PARD6G: variants seen among roughly 807,000 people sequenced by gnomAD.
PARD6G encodes the protein partitioning defective 6 homolog gamma.
PARD6G carries 7 observed loss-of-function variants against 10.7 expected under a neutral mutation model. The observed-to-expected ratio is 0.66, with a 90% CI of 0.37 to 1.23. The LOEUF is 1.23. PARD6G is among the 50% of genes most tolerant of loss of function. PARD6G has a pLI of 0.02. For missense variants in PARD6G, 548 were observed against 571.8 expected (o/e 0.96, Z 0.42); for synonymous variants, 287 against 269.4 (o/e 1.07, Z -0.64).
intron 1 of PARD6G, among the ~76,000 whole-genome samples, chr18:80,218,522 C>T (rs890088583): frequency 6.6e-6 from 1 of 152,150 alleles, no homozygotes; most frequent in Non-Finnish European, 1.5e-5. Context: ...CAGCTCTGCC[C>T]CTGTGGCTTT....
At chr18:80,244,527 C>T (rs1304290471) in intron 1 of PARD6G, among the ~76,000 whole-genome samples, 1 of 152,144 alleles carries the variant, frequency 6.6e-6, no homozygotes, top group African/African-American at 2.4e-5. Flanking sequence ...AGTTTTCCAA[C>T]CCAATATCTT....
At chr18:80,185,329 G>T (rs542574157) in intron 2 of PARD6G, among the ~76,000 whole-genome samples, 1 of 151,554 alleles carries the variant, frequency 6.6e-6, no homozygotes, top group South Asian at 2.1e-4. Context: ...TTTAAGAGGC[G>T]AAGTCTTGCT....
intron 2 of PARD6G, chr18:80,197,436 C>A (rs1404064571): frequency 1.3e-5 from 2 of 152,304 alleles, no homozygotes; most frequent in East Asian, 3.9e-4. Context: ...CAACTGTGTT[C>A]TCCTCATTCT....
intron 2 of PARD6G, among the ~76,000 whole-genome samples, chr18:80,185,592 C>G (rs1166335783): frequency 6.6e-6 from 1 of 151,978 alleles, no homozygotes; most frequent in Non-Finnish European, 1.5e-5. Flanking sequence ...CCCTGGAACA[C>G]AAGGGACACG....
intron 1 of PARD6G, among the ~76,000 whole-genome samples, chr18:80,222,308 C>T (rs1047022602): frequency 1.2e-4 from 18 of 151,796 alleles, no homozygotes; most frequent in African/African-American, 3.6e-4. Context: ...AGGCTGGTCT[C>T]GAACTCCTAG....
chr18:80,215,305 A>C (rs1037480945), intron 1 of PARD6G, among the ~76,000 whole-genome samples: 2 of 152,228 alleles, frequency 1.3e-5, no homozygotes, highest in Non-Finnish European at 2.9e-5. Flanking sequence ...TTGAATCTAC[A>C]AGAAGAAATA....
At chr18:80,217,749 G>A (rs191405946) in intron 1 of PARD6G, among the ~76,000 whole-genome samples, 8 of 152,304 alleles carry the variant, frequency 5.3e-5, no homozygotes, top group African/African-American at 1.9e-4. Flanking sequence ...AGATGTATTA[G>A]TCCGTTCTCA....
intron 2 of PARD6G, among the ~76,000 whole-genome samples, chr18:80,166,196 T>A (rs2052734859): frequency 6.6e-6 from 1 of 151,554 alleles, no homozygotes; most frequent in African/African-American, 2.4e-5. Flanking sequence ...ATGAAGGCAG[T>A]CATGTCAGCG....
intron 1 of PARD6G, among the ~76,000 whole-genome samples, chr18:80,204,138 C>T (rs760578474): frequency 1.6e-4 from 25 of 152,130 alleles, no homozygotes; most frequent in Non-Finnish European, 3.1e-4. Flanking sequence ...ATTCCTCACT[C>T]GGCAATTCGG....
At chr18:80,238,091 C>T (rs536262500) in intron 1 of PARD6G, among the ~76,000 whole-genome samples, 3 of 152,308 alleles carry the variant, frequency 2.0e-5, no homozygotes, top group South Asian at 4.1e-4. Flanking sequence ...AGACTTGGAA[C>T]CAACCTAAAT....
chr18:80,208,851 T>C (rs1967080583), intron 1 of PARD6G, among the ~76,000 whole-genome samples: 1 of 152,228 alleles, frequency 6.6e-6, no homozygotes, highest in Admixed American at 6.5e-5. Context: ...CAGCGATGGC[T>C]GATGTCTGTA....
chr18:80,238,728 C>T (rs550250574), intron 1 of PARD6G, among the ~76,000 whole-genome samples: 9 of 151,948 alleles, frequency 5.9e-5, no homozygotes, highest in South Asian at 4.1e-4. Context: ...CAGACACTGT[C>T]GTTGGGCTAA....
intron 1 of PARD6G, among the ~76,000 whole-genome samples, chr18:80,225,155 C>T (rs1289456370): frequency 2.0e-5 from 3 of 152,212 alleles, no homozygotes; most frequent in Non-Finnish European, 4.4e-5. Flanking sequence ...GTTTCTCAGT[C>T]TACGCACGAA....
intron 1 of PARD6G, among the ~76,000 whole-genome samples, chr18:80,242,622 G>A (rs1568446099): frequency 6.6e-6 from 1 of 152,200 alleles, no homozygotes. Flanking sequence ...TGGGGGCAAG[G>A]TCACAACACT....
At position 80,202,951 on chromosome 18, in the gene PARD6G, G is replaced by A; in HGVS notation, c.73-19C>T. On this transcript the variant is annotated intron_variant, in intron 1 of 2. Transcript: ENST00000353265. ...CCCCAAACTACAATGCAAGAGACGG[G>A]GTGGGGGGAGGGGCATTAATAAATA... 2 of 361,120 alleles carry A rather than the reference G, an allele frequency of 5.5e-6. No homozygotes were observed. Among genetic ancestry groups the A allele is most frequent in the African/African-American group, 2.9e-5 (1 of 34,292 alleles). The allele number at this position is 361,120 out of a possible 1,614,324, so 22.4% of individuals were successfully genotyped here. A position where few individuals can be genotyped will look rare whatever the true frequency, so the allele number is the denominator to read the frequency against.
At chr18:80,233,153 T>C (rs1967379195) in intron 1 of PARD6G, among the ~76,000 whole-genome samples, 2 of 152,214 alleles carry the variant, frequency 1.3e-5, no homozygotes, top group Non-Finnish European at 2.9e-5. Context: ...TGTCTGCTGC[T>C]CCTGTCCATG....
intron 1 of PARD6G, among the ~76,000 whole-genome samples, chr18:80,204,300 C>T (rs183576859): frequency 1.1e-4 from 16 of 152,222 alleles, no homozygotes; most frequent in Non-Finnish European, 2.2e-4. Context: ...TAAGATCAGA[C>T]GTGTTTGTGC....
At position 80,188,402 on chromosome 18, in the gene PARD6G, C is replaced by A. The variant is rs1170272216; in HGVS notation, c.295+14308G>T. 6.6e-6 allele frequency among the ~76,000 whole-genome samples: 1 copy of A among 152,158 alleles called. No homozygotes were observed. Among genetic ancestry groups the A allele is most frequent in the Non-Finnish European group, 1.5e-5 (1 of 68,024 alleles). On this transcript the variant is annotated intron_variant, in intron 2 of 2. Coordinates refer to ENST00000353265, the MANE Select transcript of PARD6G (RefSeq NM_032510.4). This position sits in a 1 kb window ranked among gnomAD's most constrained non-coding sequence, Gnocchi z 5.4. ...AACAAGAATACTTTCTTGAGGAGCA[C>A]AGATGCAGTTCCAAGGACCTAGGCA...
intron 2 of PARD6G, among the ~76,000 whole-genome samples, chr18:80,174,594 G>A (rs985648061): frequency 1.2e-4 from 18 of 152,186 alleles, no homozygotes; most frequent in African/African-American, 2.4e-4. Context: ...CAGGAGCTCC[G>A]ACTCCAGCAC....
Sources: gnomAD v4.1 joint callset for allele counts (sites outside exome capture counted in the v4.1 genomes callset) on GRCh38, gnomAD v4.1.1 for gene constraint, Gnocchi (gnomAD v3.1) non-coding constraint, MANE v1.5 for transcripts, NCBI Gene and HGNC (gene_info 2026-07-23, HGNC 2026-07-21) for gene names.